EYA4: variants seen among roughly 807,000 people sequenced by gnomAD.
EYA4 encodes EYA transcriptional coactivator and phosphatase 4, also known as protein phosphatase EYA4.
EYA4 carries 31 observed loss-of-function variants against 87.9 expected under a neutral mutation model. That is an observed-to-expected ratio of 0.35 (90% CI 0.27 to 0.48). The LOEUF is 0.48. Ranked by LOEUF, EYA4 falls within the 20% of genes least tolerant of loss-of-function variation. EYA4 has a pLI of 0.99. For missense variants in EYA4, 678 were observed against 761.4 expected (o/e 0.89, Z 1.29); for synonymous variants, 263 against 270.6 (o/e 0.97, Z 0.28).
chr6:133,498,409 G>A (rs1797818172), intron 13 of EYA4, among the ~76,000 whole-genome samples: 1 of 152,134 alleles, frequency 6.6e-6, no homozygotes. Flanking sequence ...AGGGTTAAAT[G>A]AGTTAATGCA....
intron 11 of EYA4, among the ~76,000 whole-genome samples, chr6:133,479,660 T>C (rs1345378909): frequency 6.6e-6 from 1 of 152,202 alleles, no homozygotes; most frequent in East Asian, 1.9e-4. Flanking sequence ...TTAATGTAGT[T>C]TACCTTCTGT....
intron 2 of EYA4, among the ~76,000 whole-genome samples, chr6:133,323,537 T>A (rs1781261110): frequency 6.6e-6 from 1 of 152,140 alleles, no homozygotes; most frequent in Admixed American, 6.6e-5. Flanking sequence ...ATATTGCTGT[T>A]TCATTTTCTA....
chr6:133,294,587 A>G (rs997179146), intron 2 of EYA4, among the ~76,000 whole-genome samples: 2 of 151,708 alleles, frequency 1.3e-5, no homozygotes, highest in Non-Finnish European at 1.5e-5. Flanking sequence ...TTTTATTTTG[A>G]AATGGAGTCT....
chr6:133,461,143 T>G lies in EYA4; in HGVS notation c.400T>G (p.Ser134Ala). 6.2e-7 allele frequency: 1 copy of G among 1,613,418 alleles called. No individual in the cohort carries two copies. The highest frequency in any genetic ancestry group is 8.5e-7 in the Non-Finnish European group (1 of 1,179,422). The change falls in exon 7 of 20, where the codon TCA becomes GCA. Residue 134 changes from serine (S) to alanine (A), a missense_variant. Physicochemically the swap from Ser to Ala is moderately conservative, Grantham distance 99. Transcript: ENST00000355286. ...VITSSGYSPR[S>A]AHQYSPQLYP... ...TACAAGTAGTGGCTACAGCCCCAGA[T>G]CAGCACATCAGTATTCCCCACAGCT...
intron 1 of EYA4, among the ~76,000 whole-genome samples, chr6:133,243,542 T>C (rs572575243): frequency 6.6e-6 from 1 of 152,122 alleles, no homozygotes; most frequent in South Asian, 2.1e-4. Context: ...GGATTGAAAG[T>C]TGACGATGGT....
At chr6:133,447,686 C>A (rs1446903014) in intron 4 of EYA4, among the ~76,000 whole-genome samples, 1 of 152,096 alleles carries the variant, frequency 6.6e-6, no homozygotes, top group South Asian at 2.1e-4. Context: ...GTGTGCATTG[C>A]AACTTACCTG....
chr6:133,480,853 G>A (rs1050424820), intron 11 of EYA4, among the ~76,000 whole-genome samples: 10 of 152,198 alleles, frequency 6.6e-5, no homozygotes, highest in Admixed American at 2.6e-4. Flanking sequence ...ATGTAAAAGA[G>A]AAAATGGAAG....
chr6:133,494,039 G>C (rs1048092301), intron 13 of EYA4, among the ~76,000 whole-genome samples: 5 of 152,126 alleles, frequency 3.3e-5, no homozygotes, highest in Non-Finnish European at 5.9e-5. Context: ...ACCAAAAATA[G>C]AACTACCATG....
chr6:133,365,080 G>A (rs1431888269), intron 2 of EYA4, among the ~76,000 whole-genome samples: 1 of 152,120 alleles, frequency 6.6e-6, no homozygotes, highest in Non-Finnish European at 1.5e-5. Flanking sequence ...TACATCTGCT[G>A]GGTGGCAGCC....
intron 17 of EYA4, among the ~76,000 whole-genome samples, chr6:133,522,841 T>C (rs1208672790): frequency 1.3e-4 from 20 of 152,288 alleles, no homozygotes; most frequent in Non-Finnish European, 2.9e-5. Context: ...AAATATTTTG[T>C]AGAACTTTAA....
intron 2 of EYA4, among the ~76,000 whole-genome samples, chr6:133,379,298 A>G (rs557337049): frequency 6.6e-6 from 1 of 152,228 alleles, no homozygotes; most frequent in Admixed American, 6.6e-5. Flanking sequence ...TTATAAGAAT[A>G]TTCTTTCTTA....
intron 2 of EYA4, among the ~76,000 whole-genome samples, chr6:133,338,982 T>C (rs912860511): frequency 1.3e-5 from 2 of 152,164 alleles, no homozygotes; most frequent in African/African-American, 4.8e-5. Flanking sequence ...AAATTGATTG[T>C]CACTTCATTT....
chr6:133,350,982 T>C (rs944295807), intron 2 of EYA4, among the ~76,000 whole-genome samples: 1 of 152,166 alleles, frequency 6.6e-6, no homozygotes, highest in African/African-American at 2.4e-5. Flanking sequence ...ATGACTGATT[T>C]TTCTTCTGCT....
chr6:133,370,025 T>C (rs1785149812), intron 2 of EYA4, among the ~76,000 whole-genome samples: 1 of 152,190 alleles, frequency 6.6e-6, no homozygotes, highest in South Asian at 2.1e-4. Flanking sequence ...ACTATCCAGG[T>C]CTCCTCCTAT....
chr6:133,375,882 G>C (rs553886288), intron 2 of EYA4, among the ~76,000 whole-genome samples: 1 of 151,924 alleles, frequency 6.6e-6, no homozygotes, highest in South Asian at 2.1e-4. Flanking sequence ...ACTAAAGTTA[G>C]ATACCATTCT....
At chr6:133,399,619 G>T (rs1788092362) in intron 3 of EYA4, among the ~76,000 whole-genome samples, 2 of 152,172 alleles carry the variant, frequency 1.3e-5, no homozygotes, top group African/African-American at 4.8e-5. Context: ...TAGTTATATG[G>T]CATTGAATTC....
At position 133,524,286 on chromosome 6, in the gene EYA4, T is replaced by G. The variant is rs571547229; in HGVS notation, c.1739-868T>G. ...TCTGTTGGCGAAATAGTTCCTTATA[T>G]TCTTTAATCTGAAACAAAATCATTT... is the stretch of plus-strand genomic sequence containing the variant. On this transcript the variant is annotated intron_variant, in intron 18 of 19. Coordinates refer to ENST00000355286, the MANE Select transcript of EYA4 (RefSeq NM_004100.5). Among the ~76,000 whole-genome samples, 59 of 152,342 alleles carry G rather than the reference T, an allele frequency of 3.9e-4. No individual in the cohort carries two copies. The South Asian group carries it at 6.6e-3, about 17-fold the overall frequency.
chr6:133,486,196 C>G (rs1489398340), intron 13 of EYA4, among the ~76,000 whole-genome samples: 3 of 151,942 alleles, frequency 2.0e-5, no homozygotes, highest in Non-Finnish European at 4.4e-5. Flanking sequence ...CTTATATTGC[C>G]TTATTTATTG....
chr6:133,352,982 A>C (rs1056645029), intron 2 of EYA4, among the ~76,000 whole-genome samples: 2 of 152,162 alleles, frequency 1.3e-5, no homozygotes, highest in African/African-American at 4.8e-5. Flanking sequence ...ATGTATCTAC[A>C]AGTTCAAATG....
Sources: gnomAD v4.1 joint callset for allele counts (sites outside exome capture counted in the v4.1 genomes callset) on GRCh38, gnomAD v4.1.1 for gene constraint, MANE v1.5 for transcripts, NCBI Gene and HGNC (gene_info 2026-07-23, HGNC 2026-07-21) for gene names.